Variants in ITCH observed in about 807,000 individuals in gnomAD.
ITCH encodes E3 ubiquitin-protein ligase Itchy homolog.
A neutral mutation model predicts 126.8 loss-of-function variants in ITCH; 28 were observed. The ratio of observed to expected loss-of-function variants is 0.22; its 90% confidence interval spans 0.16 to 0.30. ITCH has a LOEUF of 0.30. Among genes scored for constraint, ITCH ranks in the 10% least tolerant of loss-of-function variants. The probability of loss-of-function intolerance (pLI) is 1.00; values close to 1 mark genes in which losing one functional copy is unlikely to be tolerated. For synonymous variants in ITCH, 342 were observed against 340.0 expected (o/e 1.01, Z -0.06); for missense variants, 631 against 1,032.4 (o/e 0.61, Z 5.33).
chr20:34,449,925 G>C (rs1984985641), intron 12 of ITCH, among the ~76,000 whole-genome samples: 1 of 152,082 alleles, frequency 6.6e-6, no homozygotes, highest in Admixed American at 6.5e-5. Flanking sequence ...AAACAGGGTA[G>C]GTGGGAAGTG....
In ITCH at chr20:34,407,360, G is replaced by A. The variant is rs1008118711; in HGVS notation, c.71-1291G>A. Among the ~76,000 whole-genome samples, 8 of 152,072 alleles carry A rather than the reference G, an allele frequency of 5.3e-5. No individual in the cohort carries two copies. The East Asian group carries it at 1.4e-3, about 26-fold the overall frequency. On this transcript the variant is annotated intron_variant, in intron 3 of 24. Transcript: ENST00000374864. ...CGGCTCACTGCAACCTCCACCTCCC[G>A]GGTTCAAGCAATTCTCCTGCCTCAG...
intron 7 of ITCH, among the ~76,000 whole-genome samples, chr20:34,433,043 A>T (rs565597781): frequency 6.6e-6 from 1 of 152,164 alleles, no homozygotes; most frequent in East Asian, 1.9e-4. Context: ...TAATCCCAGC[A>T]CTTTAGGAGG....
intron 24 of ITCH, among the ~76,000 whole-genome samples, chr20:34,506,390 G>A (rs1990622461): frequency 6.6e-6 from 1 of 152,128 alleles, no homozygotes; most frequent in Non-Finnish European, 1.5e-5. Context: ...AATTGAAATG[G>A]TACCCATTAA....
chr20:34,371,279 C>CTTTTTTTTT (rs770951963), intron 2 of ITCH, among the ~76,000 whole-genome samples: 1 of 118,480 alleles, frequency 8.4e-6, no homozygotes, highest in South Asian at 2.7e-4. Flanking sequence ...ATCACTTCTT[C>CTTTTTTTTT]TTTTTTTTTT....
intron 23 of ITCH, among the ~76,000 whole-genome samples, chr20:34,492,809 C>A (rs1989609074): frequency 6.6e-6 from 1 of 152,224 alleles, no homozygotes; most frequent in African/African-American, 2.4e-5. Flanking sequence ...CCACAGCTAA[C>A]TCATTAGGAC....
intron 7 of ITCH, among the ~76,000 whole-genome samples, chr20:34,430,419 C>T (rs59368731): frequency 0.02 from 2,981 of 151,760 alleles, 93 homozygotes; most frequent in African/African-American, 0.059. Flanking sequence ...TAAAGACTTA[C>T]GGAATTTTTT....
chr20:34,443,941 A>G (rs1056728432), intron 10 of ITCH, among the ~76,000 whole-genome samples: 2 of 152,148 alleles, frequency 1.3e-5, no homozygotes, highest in Non-Finnish European at 2.9e-5. Context: ...AGCTGTGATC[A>G]TGCCACTGTA....
At chr20:34,452,804 C>G (rs183114186) in intron 12 of ITCH, among the ~76,000 whole-genome samples, 1 of 152,152 alleles carries the variant, frequency 6.6e-6, no homozygotes, top group Non-Finnish European at 1.5e-5. Context: ...TCCTGAGTAG[C>G]TGGAATTACA....
chr20:34,425,040 T>G (rs938757398), intron 7 of ITCH, among the ~76,000 whole-genome samples: 1 of 152,216 alleles, frequency 6.6e-6, no homozygotes, highest in East Asian at 1.9e-4. Flanking sequence ...ACTGTGTCTA[T>G]GTAGAAAAGG....
At chr20:34,409,515 A>G (rs1978681583) in intron 4 of ITCH, among the ~76,000 whole-genome samples, 1 of 152,166 alleles carries the variant, frequency 6.6e-6, no homozygotes, top group African/African-American at 2.4e-5. Context: ...AGCTAGGACT[A>G]CTACTATACA....
chr20:34,387,622 A>G (rs76484793), intron 2 of ITCH, among the ~76,000 whole-genome samples: 1 of 150,814 alleles, frequency 6.6e-6, no homozygotes, highest in Non-Finnish European at 1.5e-5. Context: ...CCTGTCTCAA[A>G]AAAAAAAAAA....
chr20:34,449,886 A>G (rs1984981131), intron 12 of ITCH, among the ~76,000 whole-genome samples: 1 of 152,156 alleles, frequency 6.6e-6, no homozygotes, highest in Admixed American at 6.5e-5. Flanking sequence ...ACAAAACTAG[A>G]GATGGAGAAC....
rs573724800 is a variant in ITCH, at chr20:34,496,272, A to G, written c.2416+3675A>G. ...AACATTGTTATTTTGAGAGATATCT[A>G]TTTAGCTCATATCCCATTTTTTAAT... On this transcript the variant is annotated intron_variant, in intron 23 of 24. Coordinates refer to ENST00000374864, the MANE Select transcript of ITCH (RefSeq NM_031483.7). Among the ~76,000 whole-genome samples, 14 of 152,226 alleles carry G rather than the reference A, an allele frequency of 9.2e-5. No homozygotes were observed. The South Asian group carries it at 2.9e-3, about 32-fold the overall frequency.
intron 23 of ITCH, among the ~76,000 whole-genome samples, chr20:34,501,406 A>G (rs1569009889): frequency 6.6e-6 from 1 of 152,352 alleles, no homozygotes; most frequent in East Asian, 1.9e-4. Context: ...GTTAGAAGAT[A>G]TACCTAAGAA....
chr20:34,480,542 G>A (rs983654612), intron 18 of ITCH, 57 bp from the exon 19 acceptor site: 49 of 1,580,554 alleles, frequency 3.1e-5, no homozygotes, highest in Middle Eastern at 3.4e-4. Flanking sequence ...CTAATATATT[G>A]AAATAAAATG....
intron 7 of ITCH, among the ~76,000 whole-genome samples, chr20:34,429,943 T>C (rs1343230949): frequency 6.6e-6 from 1 of 152,098 alleles, no homozygotes; most frequent in Admixed American, 6.5e-5. Context: ...GAATTCTAAA[T>C]GGAAAGAAGA....
chr20:34,466,771 A>G (rs1987109570), intron 14 of ITCH, among the ~76,000 whole-genome samples: 1 of 152,210 alleles, frequency 6.6e-6, no homozygotes, highest in African/African-American at 2.4e-5. Flanking sequence ...ACATATCACA[A>G]TTTGTGGGAT....
intron 6 of ITCH, among the ~76,000 whole-genome samples, chr20:34,416,759 C>T (rs1282948913): frequency 1.3e-5 from 2 of 151,848 alleles, no homozygotes; most frequent in Admixed American, 6.6e-5. Context: ...GCTTTATATT[C>T]CCCTACTTTC....
chr20:34,373,247 A>G (rs1302815471), intron 2 of ITCH, among the ~76,000 whole-genome samples: 2 of 151,608 alleles, frequency 1.3e-5, no homozygotes, highest in East Asian at 3.9e-4. Flanking sequence ...GTTCTGGATT[A>G]CAGGCATAAG....
Sources: allele counts gnomAD v4.1 joint callset (sites outside exome capture counted in the v4.1 genomes callset), GRCh38; gene constraint gnomAD v4.1.1; transcripts MANE v1.5; gene names NCBI Gene and HGNC (gene_info 2026-07-23, HGNC 2026-07-21).